RANBP17: variants seen among roughly 807,000 people sequenced by gnomAD.
The protein encoded by RANBP17 is RAN binding protein 17, also known as ran-binding protein 17.
RANBP17 carries 158 observed loss-of-function variants against 141.2 expected under a neutral mutation model. That is an observed-to-expected ratio of 1.12 (90% CI 0.98 to 1.28). The LOEUF (loss-of-function observed/expected upper bound fraction) is 1.28. RANBP17 is among the 50% of genes most tolerant of loss of function. The pLI is 0.00. For missense variants in RANBP17, 1,438 were observed against 1,290.7 expected (o/e 1.11, Z -1.75); for synonymous variants, 430 against 450.0 (o/e 0.96, Z 0.56).
intron 14 of RANBP17, among the ~76,000 whole-genome samples, chr5:171,108,676 T>C (rs965380491): frequency 1.3e-5 from 2 of 152,138 alleles, no homozygotes; most frequent in African/African-American, 4.8e-5. Context: ...CTTCCAAAAA[T>C]GCTGGAATTA....
chr5:171,152,975 G>T (rs891327205), intron 14 of RANBP17, among the ~76,000 whole-genome samples: 1 of 152,186 alleles, frequency 6.6e-6, no homozygotes, highest in Non-Finnish European at 1.5e-5. Context: ...ATTAAATGAT[G>T]AAGTGTAATT....
intron 1 of RANBP17, among the ~76,000 whole-genome samples, chr5:170,865,752 G>T (rs999919181): frequency 2.0e-5 from 3 of 152,264 alleles, no homozygotes; most frequent in African/African-American, 7.2e-5. Flanking sequence ...TGCAAGTTTG[G>T]GGGTTTCCCA....
intron 7 of RANBP17, among the ~76,000 whole-genome samples, chr5:170,913,913 TAAG>T (rs1166073993): frequency 1.3e-5 from 2 of 152,092 alleles, no homozygotes; most frequent in African/African-American, 4.8e-5. Flanking sequence ...ATGAAAATAG[TAAG>T]AAGATTCTCC....
intron 14 of RANBP17, among the ~76,000 whole-genome samples, chr5:171,163,975 A>G (rs1240203792): frequency 6.6e-6 from 1 of 152,168 alleles, no homozygotes; most frequent in Non-Finnish European, 1.5e-5. Flanking sequence ...ACTTACTATA[A>G]TTTTCTGAAG....
intron 1 of RANBP17, among the ~76,000 whole-genome samples, chr5:170,876,164 T>G (rs536098981): frequency 1.4e-4 from 21 of 152,214 alleles, no homozygotes; most frequent in Non-Finnish European, 3.1e-4. Context: ...ACCGCTTCAC[T>G]TGGCTGGGAG....
rs1438692821 is a variant in RANBP17 at position 170,881,904 on chromosome 5, G to A, written c.256+8G>A. ...AGCAGAGGATGGACATCAGTAAGTG[G>A]CTTATTATGCTTTTTAACCAACTGC... On this transcript the variant is annotated splice_region_variant and intron_variant, in intron 3 of 27. Coordinates refer to ENST00000523189, the MANE Select transcript of RANBP17 (RefSeq NM_022897.5). 2 of 1,563,178 alleles carry A rather than the reference G, an allele frequency of 1.3e-6. No homozygotes were observed. Among genetic ancestry groups the A allele is most frequent in the East Asian group, 2.2e-5 (1 of 44,474 alleles).
chr5:170,960,354 A>C (rs1026184043), intron 13 of RANBP17, among the ~76,000 whole-genome samples: 3 of 152,074 alleles, frequency 2.0e-5, no homozygotes, highest in Non-Finnish European at 4.4e-5. Flanking sequence ...CTAAACACCT[A>C]TTGGGCTGTT....
At chr5:171,217,208 A>G (rs1763275336) in intron 21 of RANBP17, among the ~76,000 whole-genome samples, 1 of 152,164 alleles carries the variant, frequency 6.6e-6, no homozygotes, top group Non-Finnish European at 1.5e-5. Context: ...GTGATGGATT[A>G]TGTTTATTGA....
At chr5:170,974,791 T>C (rs1777242941) in intron 14 of RANBP17, among the ~76,000 whole-genome samples, 1 of 152,176 alleles carries the variant, frequency 6.6e-6, no homozygotes, top group African/African-American at 2.4e-5. Context: ...GTAATCACTT[T>C]AGCCTAGGCT....
intron 14 of RANBP17, among the ~76,000 whole-genome samples, chr5:171,118,292 A>G (rs558937121): frequency 2.6e-5 from 4 of 152,308 alleles, no homozygotes; most frequent in African/African-American, 7.2e-5. Flanking sequence ...CGTTTAGCTT[A>G]CTACAGCTTT....
intron 14 of RANBP17, among the ~76,000 whole-genome samples, chr5:171,067,590 C>G (rs954526588): frequency 1.3e-5 from 2 of 151,996 alleles, no homozygotes; most frequent in Non-Finnish European, 2.9e-5. Context: ...TCTTTAGCTT[C>G]TTAAAAATTT....
chr5:171,238,830 A>G (rs1764698407), intron 22 of RANBP17, among the ~76,000 whole-genome samples: 1 of 152,138 alleles, frequency 6.6e-6, no homozygotes, highest in Admixed American at 6.6e-5. Context: ...ATTATCCTTC[A>G]AACTTAGCCT....
At chr5:171,087,874 G>T (rs1785811063) in intron 14 of RANBP17, among the ~76,000 whole-genome samples, 2 of 151,790 alleles carry the variant, frequency 1.3e-5, no homozygotes, top group Admixed American at 1.3e-4. Flanking sequence ...ATGTGAGATG[G>T]GTTTCCTGAA....
At chr5:171,080,089 A>C (rs1031516643) in intron 14 of RANBP17, among the ~76,000 whole-genome samples, 1 of 152,118 alleles carries the variant, frequency 6.6e-6, no homozygotes, top group African/African-American at 2.4e-5. Flanking sequence ...AAAACCTGTC[A>C]GTGTTTTGTT....
intron 15 of RANBP17, 27 bp from the exon 16 acceptor site, chr5:171,171,178 AT>A (rs1561728209): frequency 7.9e-7 from 1 of 1,271,970 alleles, no homozygotes; most frequent in Admixed American, 2.0e-5. Flanking sequence ...TATCTTACTT[AT>A]AATTAAAGAC....
chr5:171,065,629 A>G (rs562193279), intron 14 of RANBP17, among the ~76,000 whole-genome samples: 1 of 152,148 alleles, frequency 6.6e-6, no homozygotes, highest in South Asian at 2.1e-4. Context: ...CTTTGACCCA[A>G]TGATTTGAGA....
At chr5:170,898,220 C>A (rs1770298456) in intron 5 of RANBP17, among the ~76,000 whole-genome samples, 1 of 152,008 alleles carries the variant, frequency 6.6e-6, no homozygotes, top group African/African-American at 2.4e-5. Context: ...TATGTAATGC[C>A]CTTCTTTGTC....
chr5:171,237,035 C>T (rs1487529192), intron 22 of RANBP17, among the ~76,000 whole-genome samples: 1 of 152,028 alleles, frequency 6.6e-6, no homozygotes, highest in African/African-American at 2.4e-5. Flanking sequence ...GAGTCAGTCA[C>T]TCAGCAAAAA....
chr5:170,935,048 C>T (rs980811549), intron 12 of RANBP17, among the ~76,000 whole-genome samples: 2 of 152,156 alleles, frequency 1.3e-5, no homozygotes, highest in African/African-American at 4.8e-5. Flanking sequence ...AACTTCATTT[C>T]ATTCATTTGA....
Sources: gnomAD v4.1 joint callset for allele counts (sites outside exome capture counted in the v4.1 genomes callset) on GRCh38, gnomAD v4.1.1 for gene constraint, MANE v1.5 for transcripts, NCBI Gene and HGNC (gene_info 2026-07-23, HGNC 2026-07-21) for gene names.